The following MSRB3 variants were observed in gnomAD, a reference collection of about 807,000 sequenced individuals.
MSRB3 encodes methionine-R-sulfoxide reductase B3.
MSRB3 carries 13 observed loss-of-function variants against 21.0 expected under a neutral mutation model. The ratio of observed to expected loss-of-function variants is 0.62; its 90% confidence interval spans 0.40 to 0.98. The LOEUF (loss-of-function observed/expected upper bound fraction) is 0.98, where lower values mean the gene tolerates loss of function less well. Among genes scored for constraint, MSRB3 ranks in the 50% least tolerant of loss-of-function variants. MSRB3 has a pLI of 0.00. For synonymous variants in MSRB3, 87 were observed against 88.6 expected (o/e 0.98, Z 0.10); for missense variants, 199 against 230.3 (o/e 0.86, Z 0.88).
chr12:65,396,091 A>G (rs1246113318), intron 5 of MSRB3, among the ~76,000 whole-genome samples: 1 of 152,106 alleles, frequency 6.6e-6, no homozygotes, highest in Non-Finnish European at 1.5e-5. Context: ...TGGAAGCTTA[A>G]ATGATTGGTT....
intron 6 of MSRB3, among the ~76,000 whole-genome samples, chr12:65,456,342 C>T (rs919456241): frequency 2.0e-5 from 3 of 152,184 alleles, no homozygotes; most frequent in African/African-American, 7.2e-5. Flanking sequence ...GCCCTACTTT[C>T]TAACCTCTTT....
intron 4 of MSRB3, among the ~76,000 whole-genome samples, chr12:65,345,023 T>C (rs1358392774): frequency 6.6e-6 from 1 of 152,016 alleles, no homozygotes; most frequent in Non-Finnish European, 1.5e-5. Flanking sequence ...GTGATGTCAG[T>C]AGTCATGCAA....
In MSRB3 at chr12:65,397,763, C is replaced by G. The variant is rs541401877; in HGVS notation, c.292+28737C>G. On this transcript the variant is annotated intron_variant, in intron 5 of 6. Transcript: ENST00000308259. ...CCTGATGCTATCTCTCCCCTAGCCC[C>G]CAACACCCTGACAGGCCCCAATGTG... Among the ~76,000 whole-genome samples the G allele has an allele frequency of 2.0e-5, 3 of 152,268 alleles. No homozygotes were observed. The South Asian group carries it at 6.2e-4, about 32-fold the overall frequency.
At chr12:65,451,273 A>T (rs1882847409) in intron 5 of MSRB3, among the ~76,000 whole-genome samples, 1 of 151,974 alleles carries the variant, frequency 6.6e-6, no homozygotes, top group Admixed American at 6.6e-5. Flanking sequence ...TTTTATTTTT[A>T]TTTTTGACTG....
intron 5 of MSRB3, among the ~76,000 whole-genome samples, chr12:65,437,631 T>C (rs980478036): frequency 1.3e-5 from 2 of 151,236 alleles, no homozygotes; most frequent in African/African-American, 4.9e-5. Context: ...AGACGACAAC[T>C]AAACCAAGAA....
chr12:65,448,754 G>T (rs979964390), intron 5 of MSRB3, among the ~76,000 whole-genome samples: 2 of 152,042 alleles, frequency 1.3e-5, no homozygotes, highest in African/African-American at 4.8e-5. Flanking sequence ...GACAGCACAG[G>T]TTTAAAATGA....
chr12:65,412,745 A>G (rs182377653), intron 5 of MSRB3, among the ~76,000 whole-genome samples: 2 of 152,242 alleles, frequency 1.3e-5, no homozygotes, highest in African/African-American at 2.4e-5. Context: ...GCTATAAAGA[A>G]CTGTCCAAAA....
At chr12:65,430,387 G>A (rs984384621) in intron 5 of MSRB3, among the ~76,000 whole-genome samples, 2 of 152,134 alleles carry the variant, frequency 1.3e-5, no homozygotes, top group African/African-American at 2.4e-5. Context: ...AATACATATT[G>A]TACATTATAC....
intron 5 of MSRB3, among the ~76,000 whole-genome samples, chr12:65,437,145 G>C (rs1319499251): frequency 6.6e-6 from 1 of 151,814 alleles, no homozygotes; most frequent in African/African-American, 2.4e-5. Flanking sequence ...TGGACAACTT[G>C]AGTAAAGTTT....
At position 65,448,305 on chromosome 12, in the gene MSRB3, C is replaced by G. The variant is rs550664997; in HGVS notation, c.293-5423C>G. Among the ~76,000 whole-genome samples, 8 of 152,224 alleles carry G rather than the reference C, an allele frequency of 5.3e-5. No homozygotes were observed. The East Asian group carries it at 1.5e-3, about 29-fold the overall frequency. On this transcript the variant is annotated intron_variant, in intron 5 of 6. Transcript: ENST00000308259. ...TGGAACACCTTTTATGTAGCAGGCA[C>G]TTTTTTAGTTTGTTGCCAGTACAAT...
At chr12:65,393,348 T>C (rs1439366831) in intron 5 of MSRB3, among the ~76,000 whole-genome samples, 2 of 152,120 alleles carry the variant, frequency 1.3e-5, no homozygotes, top group East Asian at 1.9e-4. Context: ...CTTTAAAAAA[T>C]GCTAGCCGGG....
At chr12:65,361,518 C>T (rs2136517856) in intron 4 of MSRB3, among the ~76,000 whole-genome samples, 1 of 152,192 alleles carries the variant, frequency 6.6e-6, no homozygotes, top group East Asian at 1.9e-4. Flanking sequence ...ATGAATGTGG[C>T]CCACAGCTTC....
chr12:65,442,300 T>C (rs771393979), intron 5 of MSRB3, among the ~76,000 whole-genome samples: 36 of 152,020 alleles, frequency 2.4e-4, no homozygotes, highest in Non-Finnish European at 4.4e-5. Context: ...ATCAGGTACA[T>C]ATATTTATGA....
At chr12:65,335,298 G>A (rs569904847) in intron 4 of MSRB3, among the ~76,000 whole-genome samples, 1 of 152,082 alleles carries the variant, frequency 6.6e-6, no homozygotes, top group Non-Finnish European at 1.5e-5. Flanking sequence ...TATTAGACAG[G>A]GTCTGTCTGT....
At chr12:65,400,586 AG>A (rs1880071402) in intron 5 of MSRB3, among the ~76,000 whole-genome samples, 1 of 151,944 alleles carries the variant, frequency 6.6e-6, no homozygotes, top group East Asian at 1.9e-4. Flanking sequence ...ATTTTTTTGA[AG>A]GGTTTTTTGT....
chr12:65,385,694 A>G (rs1287848300), intron 5 of MSRB3, among the ~76,000 whole-genome samples: 1 of 151,984 alleles, frequency 6.6e-6, no homozygotes, highest in Non-Finnish European at 1.5e-5. Context: ...TAAAAAAATT[A>G]AAATGAATTA....
At chr12:65,305,062 TG>T (rs1415365390) in intron 1 of MSRB3, 3 of 151,734 alleles carry the variant, frequency 2.0e-5, no homozygotes, top group Non-Finnish European at 2.9e-5. Flanking sequence ...TCTTCTTTTT[TG>T]TTATTTTTCT....
intron 5 of MSRB3, among the ~76,000 whole-genome samples, chr12:65,415,146 A>G (rs1208212052): frequency 6.6e-6 from 1 of 152,128 alleles, no homozygotes; most frequent in African/African-American, 2.4e-5. Context: ...GGATACAGGG[A>G]GGGAGTAGCT....
rs74627608 is a variant in MSRB3 at position 65,340,674 on chromosome 12, C to G, written c.263+12071C>G. 2.8e-4 allele frequency among the ~76,000 whole-genome samples: 43 copies of G among 151,950 alleles called. No individual in the cohort carries two copies. In the East Asian group the frequency reaches 7.5e-3, roughly 27 times the overall value. ...TCTTTGAAAAGACCAATAAAGTTGA[C>G]CATTTCTGTCAAGTGTAGTCAAGAA... On this transcript the variant is annotated intron_variant, in intron 4 of 6. Transcript: ENST00000308259.
Sources: allele counts gnomAD v4.1 joint callset (sites outside exome capture counted in the v4.1 genomes callset), GRCh38; gene constraint gnomAD v4.1.1; transcripts MANE v1.5; gene names NCBI Gene and HGNC (gene_info 2026-07-23, HGNC 2026-07-21).